SNX29: variants seen among roughly 807,000 people sequenced by gnomAD.
SNX29 encodes sorting nexin-29.
SNX29 carries 78 observed loss-of-function variants against 102.1 expected under a neutral mutation model. The ratio of observed to expected loss-of-function variants is 0.76; its 90% CI spans 0.64 to 0.92. The LOEUF (loss-of-function observed/expected upper bound fraction) is 0.92. SNX29 is among the 40% of genes least tolerant of loss of function. The pLI, the probability that SNX29 is intolerant of heterozygous loss-of-function variation, is 0.00. For missense variants in SNX29, 1,280 were observed against 1,061.7 expected, an observed-to-expected ratio of 1.21 and a Z score of -2.86; for synonymous variants, 580 against 414.5, an observed-to-expected ratio of 1.40 and a Z score of -4.85.
chr16:12,448,026 C>T (rs569633345), intron 18 of SNX29, among the ~76,000 whole-genome samples: 2 of 152,122 alleles, frequency 1.3e-5, no homozygotes, highest in Non-Finnish European at 2.9e-5. Context: ...ATGATGGTGG[C>T]GTTCCCGGGA....
intron 19 of SNX29, 109 bp downstream of exon 19, chr16:12,477,968 T>C (rs2087733199): frequency 7.7e-7 from 1 of 1,304,996 alleles, no homozygotes; most frequent in Non-Finnish European, 1.0e-6. Context: ...TAAAGAAAAG[T>C]TGGTGGAGAT....
At chr16:12,486,059 C>A (rs1470285066) in intron 19 of SNX29, among the ~76,000 whole-genome samples, 3 of 152,220 alleles carry the variant, frequency 2.0e-5, no homozygotes, top group African/African-American at 7.2e-5. Context: ...ATGAAGGCGT[C>A]AGCGAGGCTG....
intron 18 of SNX29, among the ~76,000 whole-genome samples, chr16:12,422,887 C>T (rs116059675): frequency 2.0e-5 from 3 of 152,142 alleles, no homozygotes; most frequent in South Asian, 2.1e-4. Context: ...TGGTGGTGTA[C>T]GGAGATAGGC....
At chr16:12,023,386 CAACAAAG>C (rs2057086804) in intron 3 of SNX29, among the ~76,000 whole-genome samples, 1 of 127,938 alleles carries the variant, frequency 7.8e-6, no homozygotes, top group Non-Finnish European at 1.6e-5. Flanking sequence ...CCAGCCCTCT[CAACAAAG>C]TGAGACTCTG....
intron 15 of SNX29, among the ~76,000 whole-genome samples, chr16:12,299,616 C>A (rs2080096261): frequency 6.6e-6 from 1 of 152,076 alleles, no homozygotes; most frequent in African/African-American, 2.4e-5. Flanking sequence ...CTCGTTGCTA[C>A]TGGGTTGGCT....
chr16:12,542,414 C>T (rs975612171), intron 20 of SNX29, among the ~76,000 whole-genome samples: 1 of 152,266 alleles, frequency 6.6e-6, no homozygotes, highest in East Asian at 1.9e-4. Context: ...CCCCTCACTA[C>T]AGCCTTCGCC....
intron 20 of SNX29, among the ~76,000 whole-genome samples, chr16:12,534,772 C>T (rs1032137569): frequency 7.9e-5 from 12 of 152,186 alleles, no homozygotes; most frequent in Admixed American, 2.0e-4. Flanking sequence ...TGCGTCTACC[C>T]CTCTGGTTTT....
At chr16:12,168,207 C>T (rs62038334) in intron 13 of SNX29, among the ~76,000 whole-genome samples, 32,885 of 152,112 alleles carry the variant, frequency 0.22, 4,563 homozygotes, top group Admixed American at 0.38. Context: ...GCTTGCATGT[C>T]TATGCTGGAG....
At chr16:12,543,250 A>C (rs1056376109) in intron 20 of SNX29, among the ~76,000 whole-genome samples, 2 of 152,140 alleles carry the variant, frequency 1.3e-5, no homozygotes, top group African/African-American at 4.8e-5. Context: ...ATTCTGAATG[A>C]TGCAGCTCTG....
chr16:12,483,114 GTTTTTT>G (rs574090459), intron 19 of SNX29, among the ~76,000 whole-genome samples: 54 of 66,206 alleles, frequency 8.2e-4, no homozygotes, highest in South Asian at 2.0e-3. Context: ...AAGTTATTAA[GTTTTTT>G]TTTTTTTTTT....
chr16:12,080,373 G>A (rs2151348038), intron 11 of SNX29, among the ~76,000 whole-genome samples: 1 of 152,246 alleles, frequency 6.6e-6, no homozygotes, highest in Non-Finnish European at 1.5e-5. Flanking sequence ...GAGCATGTGT[G>A]GTTTACTGTG....
At chr16:12,170,470 C>T (rs779967988) in intron 13 of SNX29, among the ~76,000 whole-genome samples, 2 of 151,508 alleles carry the variant, frequency 1.3e-5, no homozygotes, top group Non-Finnish European at 2.9e-5. Flanking sequence ...GTGGGGGAGG[C>T]GTGTGGATGG....
At chr16:12,053,649 T>A (rs117827582) in intron 8 of SNX29, among the ~76,000 whole-genome samples, 2,969 of 149,260 alleles carry the variant, frequency 0.02, 46 homozygotes, top group Non-Finnish European at 0.032. Flanking sequence ...GTTTTCATGT[T>A]GTTACAATAT....
chr16:12,264,861 C>A (rs1474397295), intron 14 of SNX29, among the ~76,000 whole-genome samples: 1 of 152,118 alleles, frequency 6.6e-6, no homozygotes, highest in African/African-American at 2.4e-5. Flanking sequence ...CAGTTAACAG[C>A]CTGAGTGTGT....
intron 20 of SNX29, among the ~76,000 whole-genome samples, chr16:12,537,553 C>CGAAGGGAAGCAATTTT (rs1165660784): frequency 1.3e-5 from 2 of 152,154 alleles, no homozygotes; most frequent in Admixed American, 6.5e-5. Flanking sequence ...TGGAGCTTCT[C>CGAAGGGAAGCAATTTT]GAAGGGAAGC....
chr16:12,371,133 G>A (rs1199718943), intron 16 of SNX29, among the ~76,000 whole-genome samples: 3 of 152,218 alleles, frequency 2.0e-5, no homozygotes, highest in Admixed American at 6.5e-5. Flanking sequence ...ATCTCAAAGC[G>A]GTGGTTGGGG....
rs1018888664 is a variant in SNX29, at chr16:12,570,306, A to C, written c.*1677A>C. On this transcript the variant is annotated 3_prime_UTR_variant, in exon 21 of 21. Coordinates refer to ENST00000566228, the MANE Select transcript of SNX29 (RefSeq NM_032167.5). ...TCAGTTTGCGAGTGTGGAGGACCCGAGACATCCTGTAAAGGCAACTTGGTC... is the reference window on the plus strand; with the variant it reads ...TCAGTTTGCGAGTGTGGAGGACCCGCGACATCCTGTAAAGGCAACTTGGTC... The C allele has an allele frequency of 1.1e-4, 109 of 1,033,932 alleles. No homozygotes were observed. The highest frequency in any genetic ancestry group is 2.5e-5 in the Non-Finnish European group (21 of 850,830). 64.0% of individuals were successfully genotyped at this position (1,033,932 alleles called of 1,614,324 possible). A position where few individuals can be genotyped will look rare whatever the true frequency, so the allele number is the denominator to read the frequency against.
chr16:12,481,046 G>A (rs1019754443), intron 19 of SNX29, among the ~76,000 whole-genome samples: 1 of 152,128 alleles, frequency 6.6e-6, no homozygotes, highest in African/African-American at 2.4e-5. Context: ...TGCTCATCCC[G>A]AGGCTGATTC....
chr16:12,552,159 TCTA>T (rs1186625050), intron 20 of SNX29, among the ~76,000 whole-genome samples: 7 of 152,134 alleles, frequency 4.6e-5, no homozygotes, highest in African/African-American at 1.7e-4. Flanking sequence ...TACAGCTTAA[TCTA>T]CTAATCCTGC....
Sources: allele counts gnomAD v4.1 joint callset (sites outside exome capture counted in the v4.1 genomes callset), GRCh38; gene constraint gnomAD v4.1.1; transcripts MANE v1.5; gene names NCBI Gene and HGNC (gene_info 2026-07-23, HGNC 2026-07-21).